The following SPATA16 variants were observed in gnomAD, a reference collection of about 807,000 sequenced individuals.
The protein encoded by SPATA16 is spermatogenesis associated 16, also known as spermatogenesis-associated protein 16.
In SPATA16, 36 loss-of-function variants were observed where a neutral mutation model predicts 63.3. That is an observed-to-expected ratio of 0.57 (90% CI 0.44 to 0.75). The LOEUF is 0.75. SPATA16 is among the 30% of genes least tolerant of loss of function. The pLI is 0.00. For synonymous variants in SPATA16, 203 were observed against 216.7 expected (o/e 0.94, Z 0.56); for missense variants, 646 against 679.3 (o/e 0.95, Z 0.54).
intron 4 of SPATA16, among the ~76,000 whole-genome samples, chr3:173,009,662 T>A (rs1467403096): frequency 6.6e-6 from 1 of 152,240 alleles, no homozygotes; most frequent in Non-Finnish European, 1.5e-5. Flanking sequence ...GCACCTCTGC[T>A]GCTGCTCGCC....
intron 10 of SPATA16, among the ~76,000 whole-genome samples, chr3:172,894,491 CAA>C (rs34213880): frequency 0.13 from 19,308 of 143,528 alleles, 1,787 homozygotes; most frequent in African/African-American, 0.27. Flanking sequence ...ACAAAACATG[CAA>C]AAAAAAAAAA....
intron 10 of SPATA16, among the ~76,000 whole-genome samples, chr3:172,907,980 C>G (rs1052825197): frequency 6.6e-6 from 1 of 152,160 alleles, no homozygotes; most frequent in Admixed American, 6.5e-5. Flanking sequence ...TTTCCTATTG[C>G]GCTTTCTCCC....
intron 2 of SPATA16, among the ~76,000 whole-genome samples, chr3:173,107,082 T>G (rs1224428745): frequency 1.3e-5 from 2 of 152,132 alleles, no homozygotes; most frequent in East Asian, 3.9e-4. Flanking sequence ...CTTAATAGAT[T>G]TCTAATTGTC....
chr3:173,069,299 A>T (rs1285226107), intron 2 of SPATA16, among the ~76,000 whole-genome samples: 1 of 151,940 alleles, frequency 6.6e-6, no homozygotes, highest in Non-Finnish European at 1.5e-5. Context: ...ACAAAAAAGG[A>T]GACAATGTAA....
At chr3:173,000,013 C>G (rs1450951203) in intron 4 of SPATA16, among the ~76,000 whole-genome samples, 1 of 152,114 alleles carries the variant, frequency 6.6e-6, no homozygotes, top group Non-Finnish European at 1.5e-5. Flanking sequence ...TAATCTCCAG[C>G]TATAATAGTG....
intron 6 of SPATA16, among the ~76,000 whole-genome samples, chr3:172,939,560 A>C (rs892047031): frequency 6.6e-6 from 1 of 152,220 alleles, no homozygotes; most frequent in Non-Finnish European, 1.5e-5. Flanking sequence ...TTTGACACGG[A>C]AGCATCATGC....
intron 10 of SPATA16, among the ~76,000 whole-genome samples, chr3:172,901,148 G>A (rs1732118596): frequency 6.6e-6 from 1 of 152,074 alleles, no homozygotes; most frequent in Non-Finnish European, 1.5e-5. Flanking sequence ...ACTTAAATGT[G>A]TTTGTAATTG....
intron 8 of SPATA16, among the ~76,000 whole-genome samples, chr3:172,920,452 C>G (rs988506547): frequency 6.6e-6 from 1 of 152,114 alleles, no homozygotes; most frequent in Admixed American, 6.5e-5. Context: ...GGTTTGGAAG[C>G]AAGAGTGTTT....
At chr3:173,023,098 A>C (rs910824719) in intron 3 of SPATA16, among the ~76,000 whole-genome samples, 1 of 150,984 alleles carries the variant, frequency 6.6e-6, no homozygotes, top group East Asian at 1.9e-4. Context: ...TTTAAAATTT[A>C]TCTTTTTTAT....
intron 6 of SPATA16, among the ~76,000 whole-genome samples, chr3:172,950,592 A>G (rs1271078022): frequency 1.3e-5 from 2 of 152,202 alleles, no homozygotes; most frequent in Admixed American, 6.5e-5. Context: ...TAAAATTACA[A>G]TAATTTAAAG....
intron 3 of SPATA16, 134 bp downstream of exon 3, chr3:173,048,815 A>G: frequency 4.3e-6 from 5 of 1,172,020 alleles, no homozygotes; most frequent in South Asian, 1.4e-5. Context: ...CTCACTTGAC[A>G]TAAAACAAGC....
At chr3:173,095,446 T>C (rs567043933) in intron 2 of SPATA16, among the ~76,000 whole-genome samples, 1 of 152,284 alleles carries the variant, frequency 6.6e-6, no homozygotes, top group South Asian at 2.1e-4. Flanking sequence ...ATGAAAACAA[T>C]GTAAATATCT....
chr3:173,023,000 A>G (rs1005358492), intron 3 of SPATA16, among the ~76,000 whole-genome samples: 7 of 152,032 alleles, frequency 4.6e-5, no homozygotes, highest in Non-Finnish European at 8.8e-5. Context: ...AAAATAATAT[A>G]TATTATAGTA....
At chr3:172,987,546 C>T (rs1734485005) in intron 4 of SPATA16, among the ~76,000 whole-genome samples, 1 of 152,066 alleles carries the variant, frequency 6.6e-6, no homozygotes, top group Admixed American at 6.6e-5. Context: ...GAACATGGAT[C>T]CTGAAATTTT....
intron 5 of SPATA16, among the ~76,000 whole-genome samples, chr3:172,960,070 A>T (rs1288004298): frequency 6.6e-6 from 1 of 151,954 alleles, no homozygotes; most frequent in Non-Finnish European, 1.5e-5. Flanking sequence ...ATTTGATATA[A>T]TCTTAGACAT....
chr3:173,107,451 C>T lies in SPATA16; in HGVS notation c.612+9669G>A, dbSNP rs545392306. Among the ~76,000 whole-genome samples, 373 of 137,654 alleles carry T rather than the reference C, an allele frequency of 2.7e-3. 1 individual carries two copies. Among genetic ancestry groups the T allele is most frequent in the African/African-American group, 0.01 (361 of 35,254 alleles). 90.3% of individuals were successfully genotyped at this position (137,654 alleles called of 152,430 possible). A position where few individuals can be genotyped will look rare whatever the true frequency, so the allele number is the denominator to read the frequency against. ...CTGAGTGTGATGAAAATCTCTCTCT[C>T]TCTATTTTTTTTTTTTTTTACTCCC... On this transcript the variant is annotated intron_variant, in intron 2 of 10. Coordinates refer to ENST00000351008, the MANE Select transcript of SPATA16 (RefSeq NM_031955.6).
chr3:172,908,874 A>G (rs1297104939), intron 10 of SPATA16, among the ~76,000 whole-genome samples: 2 of 152,098 alleles, frequency 1.3e-5, no homozygotes, highest in African/African-American at 4.8e-5. Flanking sequence ...TGCACACGCA[A>G]ATTAACTCTG....
chr3:172,921,596 A>G (rs901018833), intron 8 of SPATA16, among the ~76,000 whole-genome samples: 3 of 152,240 alleles, frequency 2.0e-5, no homozygotes, highest in Non-Finnish European at 2.9e-5. Flanking sequence ...CACGAGTGGA[A>G]TCTTCATATT....
intron 2 of SPATA16, among the ~76,000 whole-genome samples, chr3:173,093,040 AACACACACACAC>A (rs57114377): frequency 4.4e-4 from 63 of 142,646 alleles, no homozygotes; most frequent in African/African-American, 1.3e-3. Flanking sequence ...ATGCACCTAA[AACACACACACAC>A]ACACACACAC....
Sources: gnomAD v4.1 joint callset for allele counts (sites outside exome capture counted in the v4.1 genomes callset) on GRCh38, gnomAD v4.1.1 for gene constraint, MANE v1.5 for transcripts, NCBI Gene and HGNC (gene_info 2026-07-23, HGNC 2026-07-21) for gene names.